Variants in RALGAPB observed in about 807,000 individuals in gnomAD.
RALGAPB encodes the protein ral GTPase-activating protein subunit beta.
Under a neutral mutation model 161.1 loss-of-function variants are expected in RALGAPB, and 25 were observed. That is an observed-to-expected ratio of 0.16 (90% CI 0.11 to 0.22). The LOEUF (loss-of-function observed/expected upper bound fraction) is 0.22, where lower values mean the gene tolerates loss of function less well. Among genes scored for constraint, RALGAPB ranks in the 10% least tolerant of loss-of-function variants. The pLI is 1.00. For missense variants in RALGAPB, 1,391 were observed against 1,815.2 expected, an observed-to-expected ratio of 0.77 and a Z score of 4.25; for synonymous variants, 629 against 626.1, an observed-to-expected ratio of 1.00 and a Z score of -0.07.
At chr20:38,508,093 T>A (rs1274568681) in intron 5 of RALGAPB, among the ~76,000 whole-genome samples, 1 of 151,276 alleles carries the variant, frequency 6.6e-6, no homozygotes, top group Non-Finnish European at 1.5e-5. Flanking sequence ...TTTTAAAAAA[T>A]TTACATATTG....
intron 14 of RALGAPB, among the ~76,000 whole-genome samples, chr20:38,531,798 A>T (rs1356342151): frequency 6.6e-6 from 1 of 152,166 alleles, no homozygotes; most frequent in East Asian, 1.9e-4. Context: ...TAAGCTGAGT[A>T]GATGTAAGAT....
chr20:38,487,154 TCAGTGGGAGCAGCATGAC>T (rs1568901517), intron 1 of RALGAPB, among the ~76,000 whole-genome samples: 2 of 152,158 alleles, frequency 1.3e-5, no homozygotes, highest in Non-Finnish European at 2.9e-5. Context: ...GGCAGTTCAG[TCAGTGGGAGCAGCATGAC>T]CAGTGACTTA....
chr20:38,528,838 G>A (rs566843579), intron 13 of RALGAPB, among the ~76,000 whole-genome samples: 43 of 152,084 alleles, frequency 2.8e-4, no homozygotes, highest in Non-Finnish European at 5.6e-4. Flanking sequence ...CCGCCACCAC[G>A]CCCAGCTAAT....
chr20:38,529,831 G>T (rs2086595896), intron 13 of RALGAPB, among the ~76,000 whole-genome samples: 1 of 151,936 alleles, frequency 6.6e-6, no homozygotes, highest in East Asian at 1.9e-4. Flanking sequence ...ACGGAGTGAG[G>T]CTCCATCTCA....
Position 38,541,067 on chromosome 20 carries a change from T to A in RALGAPB, c.2589T>A (p.Ile863=). 6.2e-7 allele frequency: 1 copy of A among 1,614,124 alleles called. No homozygotes were observed. Among genetic ancestry groups the A allele is most frequent in the Non-Finnish European group, 8.5e-7 (1 of 1,179,992 alleles). The part of the protein sequence containing the change: ...EKDCLKEVLE[I]VELGISGSKS... ...ACTGCCTTAAGGAAGTACTGGAGATTGTGGAACTGGGTATCTCAGGAAGTA... is the reference window on the plus strand; with the variant it reads ...ACTGCCTTAAGGAAGTACTGGAGATAGTGGAACTGGGTATCTCAGGAAGTA... The change falls in exon 18 of 30, where the codon ATT becomes ATA. Residue 863 remains isoleucine (I), a synonymous_variant. Coordinates refer to ENST00000262879, the MANE Select transcript of RALGAPB (RefSeq NM_020336.4).
At position 38,513,137 on chromosome 20, in the gene RALGAPB, G is replaced by A. The variant is rs115004345; in HGVS notation, c.873-3055G>A. ...AATAATAGCACTTTTGGAGGCCAACGCGGGTAGATCACCCAAGCTTAGGAG... is the reference window on the plus strand; with the variant it reads ...AATAATAGCACTTTTGGAGGCCAACACGGGTAGATCACCCAAGCTTAGGAG... On this transcript the variant is annotated intron_variant, in intron 6 of 29. Transcript: ENST00000262879. 5.5e-3 allele frequency among the ~76,000 whole-genome samples: 831 copies of A among 152,250 alleles called. 9 individuals are homozygous for A. Among genetic ancestry groups the A allele is most frequent in the African/African-American group, 0.019 (790 of 41,536 alleles).
At chr20:38,555,921 A>G (rs2087572343) in intron 22 of RALGAPB, among the ~76,000 whole-genome samples, 1 of 152,200 alleles carries the variant, frequency 6.6e-6, no homozygotes, top group Non-Finnish European at 1.5e-5. Flanking sequence ...TAGCATGTTA[A>G]GTGAATTGTT....
intron 17 of RALGAPB, among the ~76,000 whole-genome samples, chr20:38,540,556 T>C (rs1342664051): frequency 6.6e-6 from 1 of 152,250 alleles, no homozygotes; most frequent in Non-Finnish European, 1.5e-5. Context: ...TGATTAAATC[T>C]TAGTCATTTT....
rs1227027300 is a variant in RALGAPB, at chr20:38,549,563, TAC to T, written c.3009+782_3009+783del. 6.9e-5 allele frequency among the ~76,000 whole-genome samples: 8 copies of T among 115,356 alleles called. No homozygotes were observed. In the East Asian group the frequency reaches 1.8e-3, roughly 26 times the overall value. The allele number at this position is 115,356 out of a possible 152,430, so 75.7% of individuals were successfully genotyped here. ...AAAAAAAAAAAAATATATATATATA[TAC>T]ACACACACACACATACATATACACA... On this transcript the variant is annotated intron_variant, in intron 20 of 29. Coordinates refer to ENST00000262879, the MANE Select transcript of RALGAPB (RefSeq NM_020336.4).
intron 3 of RALGAPB, 77 bp downstream of exon 3, chr20:38,493,209 C>G: frequency 1.7e-6 from 2 of 1,207,306 alleles, no homozygotes; most frequent in Non-Finnish European, 2.3e-6. Context: ...AGTATAGGAG[C>G]TGATTTCATT....
intron 1 of RALGAPB, among the ~76,000 whole-genome samples, chr20:38,477,003 A>G (rs2084821925): frequency 6.6e-6 from 1 of 152,208 alleles, no homozygotes; most frequent in East Asian, 1.9e-4. Flanking sequence ...TGGGAATACA[A>G]AGATAAATAA....
At chr20:38,527,952 T>C (rs1281821181) in intron 13 of RALGAPB, among the ~76,000 whole-genome samples, 1 of 152,174 alleles carries the variant, frequency 6.6e-6, no homozygotes, top group African/African-American at 2.4e-5. Context: ...GCTCACCATC[T>C]CATTTCTGTC....
chr20:38,497,380 A>T lies in RALGAPB; in HGVS notation c.417A>T (p.Arg139=), dbSNP rs1332039866. Residue 139 remains arginine (R), a synonymous_variant, in exon 4 of 30, where the codon CGA becomes CGT. Transcript: ENST00000262879. ...PRQEQGSSQI[R]LCLQVLRAIQ... Reference sequence around the variant, plus strand: ...AGGAACAGGGTTCCAGTCAGATTCGACTATGCTTACAGGTCCTGAGAGCCA... The same window carrying T: ...AGGAACAGGGTTCCAGTCAGATTCGTCTATGCTTACAGGTCCTGAGAGCCA... The T allele has an allele frequency of 6.2e-7, 1 of 1,614,052 alleles. No individual in the cohort carries two copies. The highest frequency in any genetic ancestry group is 2.2e-5 in the East Asian group (1 of 44,874).
chr20:38,557,202 A>G (rs1037846407), intron 22 of RALGAPB, among the ~76,000 whole-genome samples: 5 of 152,230 alleles, frequency 3.3e-5, no homozygotes, highest in Non-Finnish European at 7.3e-5. Context: ...AAAAATGTGT[A>G]GACTTAATTT....
At position 38,575,492 on chromosome 20, in the gene RALGAPB, CAAAA is replaced by C. The variant is rs1389011913; in HGVS notation, c.*527_*530del. ...TCTTGTCATCCAGCTGTCACACTGACAAAAAGAAAAGATGATACATGTTTTTTGC... is the reference window on the plus strand; with the variant it reads ...TCTTGTCATCCAGCTGTCACACTGACAGAAAAGATGATACATGTTTTTTGC... On this transcript the variant is annotated 3_prime_UTR_variant, in exon 30 of 30. Transcript: ENST00000262879. 6.5e-6 allele frequency: 1 copy of C among 153,758 alleles called. No individual in the cohort carries two copies. Among genetic ancestry groups the C allele is most frequent in the South Asian group, 2.0e-4 (1 of 4,882 alleles). The allele number at this position is 153,758 out of a possible 1,614,324, so 9.5% of individuals were successfully genotyped here. A position where few individuals can be genotyped will look rare whatever the true frequency, so the allele number is the denominator to read the frequency against.
chr20:38,565,205 CATT>C, intron 24 of RALGAPB, 151 bp from the exon 25 acceptor site: 1 of 797,874 alleles, frequency 1.3e-6, no homozygotes, highest in South Asian at 2.5e-5. Context: ...ATCTAATAAG[CATT>C]ATATTTTATT....
chr20:38,565,302 A>G, intron 24 of RALGAPB, 57 bp from the exon 25 acceptor site: 1 of 1,583,960 alleles, frequency 6.3e-7, no homozygotes, highest in Non-Finnish European at 8.6e-7. Context: ...TAGCAAGATG[A>G]TACTGGTTTT....
At position 38,516,178 on chromosome 20, in the gene RALGAPB, C is replaced by T; in HGVS notation, c.873-14C>T. 5 of 1,533,282 alleles carry T rather than the reference C, an allele frequency of 3.3e-6. No homozygotes were observed. The highest frequency in any genetic ancestry group is 2.3e-5 in the East Asian group (1 of 43,008). 95.0% of individuals were successfully genotyped at this position (1,533,282 alleles called of 1,614,324 possible). A position where few individuals can be genotyped will look rare whatever the true frequency, so the allele number is the denominator to read the frequency against. On this transcript the variant is annotated splice_polypyrimidine_tract_variant and intron_variant, in intron 6 of 29. Transcript: ENST00000262879. Reference sequence around the variant, plus strand: ...TTCTAAATTTGTGATTAATTCTTTCCTCTCTTTTAATAGTAATCCTGTGGA... The same window carrying T: ...TTCTAAATTTGTGATTAATTCTTTCTTCTCTTTTAATAGTAATCCTGTGGA...
chr20:38,561,985 G>A (rs538802921), intron 23 of RALGAPB, among the ~76,000 whole-genome samples: 24 of 152,328 alleles, frequency 1.6e-4, no homozygotes, highest in African/African-American at 5.8e-4. Flanking sequence ...TAGTGAAGAG[G>A]AGAGAACTTT....
Sources: gnomAD v4.1 joint callset for allele counts (sites outside exome capture counted in the v4.1 genomes callset) on GRCh38, gnomAD v4.1.1 for gene constraint, MANE v1.5 for transcripts, NCBI Gene and HGNC (gene_info 2026-07-23, HGNC 2026-07-21) for gene names.